PALM: variants seen among roughly 807,000 people sequenced by gnomAD.
PALM encodes paralemmin-1.
In PALM, 18 loss-of-function variants were observed where a neutral mutation model predicts 30.7. The observed-to-expected ratio is 0.59, with a 90% CI of 0.41 to 0.87. PALM has a LOEUF of 0.87. Among genes scored for constraint, PALM ranks in the 40% least tolerant of loss-of-function variants. PALM has a pLI of 0.00. For missense variants in PALM, 529 were observed against 555.4 expected, an observed-to-expected ratio of 0.95 and a Z score of 0.48; for synonymous variants, 286 against 242.8, an observed-to-expected ratio of 1.18 and a Z score of -1.66.
chr19:734,338 TCTC>T (rs1159559152), intron 6 of PALM, 144 bp downstream of exon 6: 18 of 715,198 alleles, frequency 2.5e-5, no homozygotes, highest in African/African-American at 2.5e-4. Flanking sequence ...GGCGGGTAGA[TCTC>T]CTGAGGTCAG....
chr19:727,757 G>A, intron 4 of PALM, 63 bp downstream of exon 4: 3 of 1,455,126 alleles, frequency 2.1e-6, no homozygotes, highest in Non-Finnish European at 2.8e-6. Context: ...TGGCTCCCGG[G>A]AGGGTGTGGG....
Position 709,912 on chromosome 19 carries a change from G to GTT in PALM, c.5+761_5+762insTT, listed in dbSNP as rs1555686475. Among the ~76,000 whole-genome samples, 33 of 125,226 alleles carry GTT rather than the reference G, an allele frequency of 2.6e-4. No homozygotes were observed. The highest frequency in any genetic ancestry group is 9.3e-4 in the African/African-American group (31 of 33,510). The allele number at this position is 125,226 out of a possible 152,430, so 82.2% of individuals were successfully genotyped here. ...CCCGCATGGCTGCGCCTGTGTGTGT[G>GTT]GGGGGGGGGTGGCCAGTGGAGGCAC... is the stretch of plus-strand genomic sequence containing the variant. On this transcript the variant is annotated intron_variant, in intron 1 of 8. Coordinates refer to ENST00000338448, the MANE Select transcript of PALM (RefSeq NM_002579.3). This position sits in a 1 kb window ranked among gnomAD's most constrained non-coding sequence, Gnocchi z 4.3.
chr19:711,341 T>C (rs2032074060), intron 1 of PALM: 1 of 249,144 alleles, frequency 4.0e-6, no homozygotes, highest in Non-Finnish European at 6.4e-6. Flanking sequence ...GCAGCCATTC[T>C]CCAGCACCCA....
chr19:729,274 C>T (rs1321228679), intron 4 of PALM, among the ~76,000 whole-genome samples: 9 of 151,072 alleles, frequency 6.0e-5, no homozygotes, highest in Non-Finnish European at 7.4e-5. Flanking sequence ...TTCAGTGAGC[C>T]GAGATCAAGC....
intron 8 of PALM, among the ~76,000 whole-genome samples, chr19:745,675 G>A (rs2158173): frequency 0.85 from 125,305 of 148,154 alleles, 53,265 homozygotes; most frequent in East Asian, 0.92. Flanking sequence ...AGCCTGGGCA[G>A]CTCCATCTCA....
At chr19:735,331 C>T (rs1302915259) in intron 6 of PALM, among the ~76,000 whole-genome samples, 1 of 133,338 alleles carries the variant, frequency 7.5e-6, no homozygotes, top group Non-Finnish European at 1.6e-5. Context: ...CCACAGGTGC[C>T]TGTGTCCGGG....
chr19:727,813 G>A, intron 4 of PALM, 119 bp downstream of exon 4: 18 of 954,580 alleles, frequency 1.9e-5, no homozygotes, highest in Non-Finnish European at 2.8e-5. Context: ...CGTGGACCGG[G>A]CAGGCCAGGA....
chr19:720,933 G>T (rs62131295), intron 1 of PALM, among the ~76,000 whole-genome samples: 2,698 of 152,308 alleles, frequency 0.018, 27 homozygotes, highest in Middle Eastern at 0.034. Flanking sequence ...CCCCAGCTCT[G>T]CTCCCTCCGG....
chr19:743,233 T>C (rs1356338390), intron 8 of PALM, among the ~76,000 whole-genome samples: 3 of 152,082 alleles, frequency 2.0e-5, no homozygotes, highest in Non-Finnish European at 2.9e-5. Context: ...GCATCTCAGC[T>C]CTAGCTCTCC....
At chr19:740,702 A>G (rs1161598142) in intron 8 of PALM, among the ~76,000 whole-genome samples, 1 of 152,204 alleles carries the variant, frequency 6.6e-6, no homozygotes, top group Non-Finnish European at 1.5e-5. Flanking sequence ...CATCCACTCC[A>G]GAAAGCTGCC....
chr19:726,252 T>A, intron 2 of PALM, 63 bp downstream of exon 2: 2 of 1,418,578 alleles, frequency 1.4e-6, no homozygotes, highest in Non-Finnish European at 2.0e-6. Flanking sequence ...ACCTGGGGTC[T>A]CGGGCCCTGG....
intron 1 of PALM, among the ~76,000 whole-genome samples, chr19:722,140 G>A (rs370842428): frequency 3.9e-4 from 58 of 148,904 alleles, no homozygotes; most frequent in Non-Finnish European, 5.2e-4. Context: ...GGATGGTCTC[G>A]ATCTCCTGAC....
At chr19:736,225 C>A in intron 7 of PALM, 147 bp downstream of exon 7, 1 of 580,948 alleles carries the variant, frequency 1.7e-6, no homozygotes, top group Non-Finnish European at 2.9e-6. Flanking sequence ...GGCAGCTGGA[C>A]CGAGGCCGAG....
chr19:727,829 C>T, intron 4 of PALM, 135 bp downstream of exon 4: 1 of 838,018 alleles, frequency 1.2e-6, no homozygotes, highest in Non-Finnish European at 1.8e-6. Context: ...CAGGACCCAA[C>T]ATGCTTTGAG....
At chr19:711,059 C>A in intron 1 of PALM, 1 of 327,734 alleles carries the variant, frequency 3.1e-6, no homozygotes, top group Non-Finnish European at 4.4e-6. Context: ...GTGGTGGTGC[C>A]CGTCTCGCTG....
intron 7 of PALM, among the ~76,000 whole-genome samples, chr19:736,841 G>A (rs1599162059): frequency 6.6e-6 from 1 of 152,210 alleles, no homozygotes; most frequent in Admixed American, 6.5e-5. Flanking sequence ...ATCGCCTGAG[G>A]TCAGGAGTTC....
intron 8 of PALM, among the ~76,000 whole-genome samples, chr19:744,986 A>G (rs1225083578): frequency 7.1e-6 from 1 of 141,322 alleles, no homozygotes; most frequent in African/African-American, 2.7e-5. Context: ...TCAAGACCAG[A>G]CTGGCCAACG....
intron 5 of PALM, among the ~76,000 whole-genome samples, chr19:732,618 CA>C (rs1315656018): frequency 1.1e-4 from 16 of 152,098 alleles, no homozygotes; most frequent in Non-Finnish European, 5.9e-5. Context: ...CACTTGTACC[CA>C]GGGGGCAGAG....
intron 1 of PALM, among the ~76,000 whole-genome samples, chr19:723,614 C>T (rs546238313): frequency 2.1e-5 from 3 of 145,008 alleles, no homozygotes; most frequent in South Asian, 2.2e-4. Flanking sequence ...TTGTTTTTGA[C>T]GGAGTCTCGC....
Sources: gnomAD v4.1 joint callset for allele counts (sites outside exome capture counted in the v4.1 genomes callset) on GRCh38, gnomAD v4.1.1 for gene constraint, Gnocchi (gnomAD v3.1) non-coding constraint, MANE v1.5 for transcripts, NCBI Gene and HGNC (gene_info 2026-07-23, HGNC 2026-07-21) for gene names.